CHST5: variants seen among roughly 807,000 people sequenced by gnomAD.
CHST5 encodes carbohydrate sulfotransferase 5.
For missense variants in CHST5, 637 were observed against 602.1 expected (o/e 1.06, Z -0.61); for synonymous variants, 313 against 279.2 (o/e 1.12, Z -1.21).
Position 75,531,638 on chromosome 16 carries a change from C to G in CHST5, c.-1254G>C. ...CACAAATCCATGGGAGATGTCTCGACATCTGGCAAAGCAGGAAGGAGAGGA... is the reference window on the plus strand; with the variant it reads ...CACAAATCCATGGGAGATGTCTCGAGATCTGGCAAAGCAGGAAGGAGAGGA... On this transcript the variant is annotated splice_region_variant and 5_prime_UTR_variant, in exon 4 of 4. The change abolishes an upstream ATG in the 5' untranslated region. Coordinates refer to ENST00000336257, the MANE Select transcript of CHST5 (RefSeq NM_024533.5). 2 of 1,303,912 alleles carry G rather than the reference C, an allele frequency of 1.5e-6. No individual in the cohort carries two copies. The highest frequency in any genetic ancestry group is 2.0e-6 in the Non-Finnish European group (2 of 988,716). 80.8% of individuals were successfully genotyped at this position (1,303,912 alleles called of 1,614,324 possible). A position where few individuals can be genotyped will look rare whatever the true frequency, so the allele number is the denominator to read the frequency against.
In CHST5 at chr16:75,531,140, G is replaced by A; in HGVS notation, c.-756C>T. On this transcript the variant is annotated 5_prime_UTR_variant, in exon 4 of 4. Transcript: ENST00000336257. Reference sequence around the variant, plus strand: ...GATCGAGACCATCCTGGCTAACACAGTGAGACCCCATCTCTACTAAAAATA... The same window carrying A: ...GATCGAGACCATCCTGGCTAACACAATGAGACCCCATCTCTACTAAAAATA... 1.4e-6 allele frequency: 1 copy of A among 730,932 alleles called. No homozygotes were observed. The highest frequency in any genetic ancestry group is 1.7e-6 in the Non-Finnish European group (1 of 586,556). 45.3% of individuals were successfully genotyped at this position (730,932 alleles called of 1,614,324 possible).
rs1191440735 is a variant in CHST5 at position 75,529,571 on chromosome 16, C to A, written c.814G>T (p.Val272Leu). 3 of 1,609,294 alleles carry A rather than the reference C, an allele frequency of 1.9e-6. No individual in the cohort carries two copies. In the Admixed American group the frequency reaches 5.0e-5, roughly 27 times the overall value. ...AGTGTGGCGGCCTCGGCGATGCGCA[C>A]GTGGCTGCGGCACACCTCGCGAATC... ...RLIREVCRSH[V>L]RIAEAATLKP... The change falls in exon 4 of 4, where the codon GTG becomes TTG. Residue 272 changes from valine to leucine, a missense_variant. Transcript: ENST00000336257.
rs2080552575 is a variant in CHST5, at chr16:75,535,179, C to T, written c.-1404G>A. The T allele has an allele frequency of 6.6e-6, 1 of 152,358 alleles. No homozygotes were observed. Among genetic ancestry groups the T allele is most frequent in the South Asian group, 2.1e-4 (1 of 4,836 alleles). The allele number at this position is 152,358 out of a possible 1,614,324, so 9.4% of individuals were successfully genotyped here. A position where few individuals can be genotyped will look rare whatever the true frequency, so the allele number is the denominator to read the frequency against. On this transcript the variant is annotated 5_prime_UTR_variant, in exon 2 of 4. Coordinates refer to ENST00000336257, the MANE Select transcript of CHST5 (RefSeq NM_024533.5). ...TGGAGCAGCAGCCAGAGGGACGCCTCTCCCCCTGGGCTCAGCAAAAGCTCC... is the reference window on the plus strand; with the variant it reads ...TGGAGCAGCAGCCAGAGGGACGCCTTTCCCCCTGGGCTCAGCAAAAGCTCC...
Position 75,530,473 on chromosome 16 carries a change from T to A in CHST5, c.-89A>T, listed in dbSNP as rs1172240816. On this transcript the variant is annotated 5_prime_UTR_variant, in exon 4 of 4. Transcript: ENST00000336257. The stretch of plus-strand genomic sequence containing the variant: ...ATTGGACTTCCCAAGACTCCCAAGG[T>A]CTCAGTCGAGCACTTTCCCAGGAAT... 6.9e-7 allele frequency: 1 copy of A among 1,453,006 alleles called. No homozygotes were observed. Among genetic ancestry groups the A allele is most frequent in the Non-Finnish European group, 9.1e-7 (1 of 1,101,008 alleles). 90.0% of individuals were successfully genotyped at this position (1,453,006 alleles called of 1,614,324 possible). A position where few individuals can be genotyped will look rare whatever the true frequency, so the allele number is the denominator to read the frequency against.
intron 3 of CHST5, among the ~76,000 whole-genome samples, chr16:75,532,110 C>G (rs540831252): frequency 6.6e-6 from 1 of 152,278 alleles, no homozygotes; most frequent in Non-Finnish European, 1.5e-5. Flanking sequence ...TACACACATG[C>G]CCCTGTTACT....
At position 75,530,397 on chromosome 16, in the gene CHST5, T is replaced by G; in HGVS notation, c.-13A>C. On this transcript the variant is annotated 5_prime_UTR_variant, in exon 4 of 4. Transcript: ENST00000336257. The stretch of plus-strand genomic sequence containing the variant: ...CCCTCATGCCCATCCCATGCCCCAA[T>G]TACTGCCCAGTGCCCTCAGGGATCA... 6.6e-7 allele frequency: 1 copy of G among 1,510,908 alleles called. No individual in the cohort carries two copies. The highest frequency in any genetic ancestry group is 2.1e-5 in the Admixed American group (1 of 46,814). 93.6% of individuals were successfully genotyped at this position (1,510,908 alleles called of 1,614,324 possible).
At chr16:75,532,977 C>A (rs2080535856) in intron 3 of CHST5, 112 bp downstream of exon 3, 1 of 569,168 alleles carries the variant, frequency 1.8e-6, no homozygotes, top group African/African-American at 1.9e-5. Flanking sequence ...CCTGTGATTG[C>A]CCCCTGCAGA....
Position 75,528,989 on chromosome 16 carries a change from A to T in CHST5, c.*160T>A. 1.4e-6 allele frequency: 1 copy of T among 698,928 alleles called. No homozygotes were observed. Among genetic ancestry groups the T allele is most frequent in the Non-Finnish European group, 2.2e-6 (1 of 445,186 alleles). 43.3% of individuals were successfully genotyped at this position (698,928 alleles called of 1,614,324 possible). The stretch of plus-strand genomic sequence containing the variant: ...AAAGGAAAACCGAGAATCAGGAGAG[A>T]AAGAAACGTGCAGTCCTTGCCTACT... On this transcript the variant is annotated 3_prime_UTR_variant, in exon 4 of 4. Coordinates refer to ENST00000336257, the MANE Select transcript of CHST5 (RefSeq NM_024533.5).
intron 1 of CHST5, among the ~76,000 whole-genome samples, chr16:75,535,622 G>C (rs1320890389): frequency 6.6e-6 from 1 of 152,204 alleles, no homozygotes; most frequent in Non-Finnish European, 1.5e-5. Context: ...TGCGGTCCCA[G>C]GGTGGCCGGC....
chr16:75,531,946 G>A (rs544575566), intron 3 of CHST5, among the ~76,000 whole-genome samples: 4 of 152,288 alleles, frequency 2.6e-5, no homozygotes, highest in African/African-American at 9.6e-5. Context: ...CACTGCCAAT[G>A]GGGAGCTATG....
At chr16:75,534,729 C>T (rs2080549127) in intron 2 of CHST5, among the ~76,000 whole-genome samples, 1 of 152,214 alleles carries the variant, frequency 6.6e-6, no homozygotes, top group African/African-American at 2.4e-5. Context: ...TAAAGCCTAA[C>T]ATCAAGGCCC....
At position 75,528,818 on chromosome 16, in the gene CHST5, G is replaced by T. The variant is rs527641922; in HGVS notation, c.*331C>A. The T allele has an allele frequency of 9.6e-6, 2 of 208,358 alleles. No individual in the cohort carries two copies. The highest frequency in any genetic ancestry group is 1.7e-3 in the Middle Eastern group (1 of 576). The allele number at this position is 208,358 out of a possible 1,614,324, so 12.9% of individuals were successfully genotyped here. ...CCGCCTCAGCCTCTCAAAATGCTGG[G>T]ATTACAGGCATGAGCCACCGCACCC... On this transcript the variant is annotated 3_prime_UTR_variant, in exon 4 of 4. Coordinates refer to ENST00000336257, the MANE Select transcript of CHST5 (RefSeq NM_024533.5).
Position 75,531,000 on chromosome 16 carries a change from A to G in CHST5, c.-616T>C. 1.0e-6 allele frequency: 1 copy of G among 1,001,774 alleles called. No homozygotes were observed. Among genetic ancestry groups the G allele is most frequent in the South Asian group, 4.7e-5 (1 of 21,372 alleles). The allele number at this position is 1,001,774 out of a possible 1,614,324, so 62.1% of individuals were successfully genotyped here. On this transcript the variant is annotated 5_prime_UTR_variant, in exon 4 of 4. Coordinates refer to ENST00000336257, the MANE Select transcript of CHST5 (RefSeq NM_024533.5). ...CACCTTTTACAAGGTGTGCTTCTGT[A>G]TTATATAATTTTTTTAACAGGCAGG...
chr16:75,531,098 G>A lies in CHST5; in HGVS notation c.-714C>T, dbSNP rs1422130972. 56 of 945,730 alleles carry A rather than the reference G, an allele frequency of 5.9e-5. 1 individual carries two copies. In the South Asian group the frequency reaches 7.9e-4, roughly 13 times the overall value. 58.6% of individuals were successfully genotyped at this position (945,730 alleles called of 1,614,324 possible). On this transcript the variant is annotated 5_prime_UTR_variant, in exon 4 of 4. Transcript: ENST00000336257. ...AGCATTATGGGAGGCCGAGGCGGGC[G>A]GATCACGAGGTCAGGAGATCGAGAC... is the stretch of plus-strand genomic sequence containing the variant.
intron 2 of CHST5, among the ~76,000 whole-genome samples, chr16:75,533,600 G>A (rs906748386): frequency 2.0e-5 from 3 of 152,062 alleles, no homozygotes; most frequent in Non-Finnish European, 2.9e-5. Flanking sequence ...CAGGTCACAC[G>A]AAATTAAAAA....
In CHST5 at chr16:75,529,127, C is replaced by A; in HGVS notation, c.*22G>T. On this transcript the variant is annotated 3_prime_UTR_variant, in exon 4 of 4. Transcript: ENST00000336257. ...TGGGCCTGGCGACCACAGTTCGGGG[C>A]CTGCTCTAAGGCCCAGAGTTCTCAG... The A allele has an allele frequency of 6.5e-7, 1 of 1,537,772 alleles. No individual in the cohort carries two copies.
Position 75,528,964 on chromosome 16 carries a change from A to G in CHST5, c.*185T>C, listed in dbSNP as rs1235304700. The stretch of plus-strand genomic sequence containing the variant: ...ATGAGAAGGCAGCTCCAGAAGACTC[A>G]AAGGAAAACCGAGAATCAGGAGAGA... On this transcript the variant is annotated 3_prime_UTR_variant, in exon 4 of 4. Coordinates refer to ENST00000336257, the MANE Select transcript of CHST5 (RefSeq NM_024533.5). 1 of 625,830 alleles carries G rather than the reference A, an allele frequency of 1.6e-6. No individual in the cohort carries two copies. Among genetic ancestry groups the G allele is most frequent in the Non-Finnish European group, 2.6e-6 (1 of 380,634 alleles). The allele number at this position is 625,830 out of a possible 1,614,324, so 38.8% of individuals were successfully genotyped here. A position where few individuals can be genotyped will look rare whatever the true frequency, so the allele number is the denominator to read the frequency against.
intron 2 of CHST5, among the ~76,000 whole-genome samples, chr16:75,533,628 C>T (rs754771129): frequency 5.9e-5 from 9 of 152,154 alleles, no homozygotes; most frequent in Non-Finnish European, 1.2e-4. Flanking sequence ...ATGAGGGCAT[C>T]GCAGACTTGG....
chr16:75,531,002 T>C lies in CHST5; in HGVS notation c.-618A>G, dbSNP rs938855237. The C allele has an allele frequency of 1.0e-6, 1 of 1,001,428 alleles. No homozygotes were observed. Among genetic ancestry groups the C allele is most frequent in the Admixed American group, 6.1e-5 (1 of 16,440 alleles). The allele number at this position is 1,001,428 out of a possible 1,614,324, so 62.0% of individuals were successfully genotyped here. On this transcript the variant is annotated 5_prime_UTR_variant, in exon 4 of 4. In the 5' UTR this introduces an upstream ATG that the reference lacks. Transcript: ENST00000336257. ...CCTTTTACAAGGTGTGCTTCTGTAT[T>C]ATATAATTTTTTTAACAGGCAGGTA... is the stretch of plus-strand genomic sequence containing the variant.
Sources: gnomAD v4.1 joint callset for allele counts (sites outside exome capture counted in the v4.1 genomes callset) on GRCh38, gnomAD v4.1.1 for gene constraint, MANE v1.5 for transcripts, NCBI Gene and HGNC (gene_info 2026-07-23, HGNC 2026-07-21) for gene names.